Variants in SLC30A6 observed in about 807,000 individuals in gnomAD.
SLC30A6 encodes the protein zinc transporter 6.
A neutral mutation model predicts 63.0 loss-of-function variants in SLC30A6; 55 were observed. The observed-to-expected ratio is 0.87, with a 90% CI of 0.70 to 1.09. The LOEUF (loss-of-function observed/expected upper bound fraction) is 1.09, where lower values mean the gene tolerates loss of function less well. Among genes scored for constraint, SLC30A6 ranks in the 50% least tolerant of loss-of-function variants. The pLI, the probability that SLC30A6 is intolerant of heterozygous loss-of-function variation, is 0.00. For missense variants in SLC30A6, 587 were observed against 549.2 expected, an observed-to-expected ratio of 1.07 and a Z score of -0.69; for synonymous variants, 224 against 186.1, an observed-to-expected ratio of 1.20 and a Z score of -1.66.
Position 32,174,150 on chromosome 2 carries a change from A to G in SLC30A6, c.175+3A>G. The G allele has an allele frequency of 6.2e-7, 1 of 1,602,594 alleles. No individual in the cohort carries two copies. Among genetic ancestry groups the G allele is most frequent in the Non-Finnish European group, 8.5e-7 (1 of 1,174,852 alleles). ...GTGCAGTTCTACTAATAGTATAGGT[A>G]TGTCACCTTTGTATTTTTATGGAGT... is the stretch of plus-strand genomic sequence containing the variant. On this transcript the variant is annotated splice_donor_region_variant and intron_variant, in intron 3 of 13. Transcript: ENST00000282587.
chr2:32,209,567 T>G lies in SLC30A6; in HGVS notation c.885+6T>G, dbSNP rs753448086. The G allele has an allele frequency of 6.3e-7, 1 of 1,595,158 alleles. No individual in the cohort carries two copies. The highest frequency in any genetic ancestry group is 8.5e-7 in the Non-Finnish European group (1 of 1,171,566). ...CCCTAGGTTTTGGCTCATTGGTATG[T>G]TCTTTTACATATGACTTTAGTTATA... is the stretch of plus-strand genomic sequence containing the variant. On this transcript the variant is annotated splice_donor_region_variant and intron_variant, in intron 13 of 13. Transcript: ENST00000282587.
intron 1 of SLC30A6, among the ~76,000 whole-genome samples, chr2:32,170,023 G>GT (rs1013914857): frequency 3.3e-5 from 5 of 151,772 alleles, no homozygotes; most frequent in South Asian, 4.2e-4. Context: ...GTGAATTATA[G>GT]TTTTTTTTCA....
intron 10 of SLC30A6, among the ~76,000 whole-genome samples, chr2:32,198,665 C>G (rs1056179574): frequency 6.6e-6 from 1 of 152,146 alleles, no homozygotes; most frequent in Non-Finnish European, 1.5e-5. Context: ...CTCACTGCAA[C>G]CTCCACCTCC....
intron 10 of SLC30A6, among the ~76,000 whole-genome samples, chr2:32,198,185 T>G (rs954680675): frequency 6.6e-6 from 1 of 152,134 alleles, no homozygotes; most frequent in African/African-American, 2.4e-5. Context: ...AATAAAGCCT[T>G]TTAGGAAATA....
At chr2:32,204,779 T>G (rs1230183878) in intron 11 of SLC30A6, 87 bp downstream of exon 11, 3 of 598,584 alleles carry the variant, frequency 5.0e-6, no homozygotes, top group Non-Finnish European at 5.1e-6. Context: ...TCTACAAGAT[T>G]GTGAAATTTT....
chr2:32,178,182 T>A (rs1268427965), intron 4 of SLC30A6, among the ~76,000 whole-genome samples: 1 of 151,602 alleles, frequency 6.6e-6, no homozygotes, highest in East Asian at 2.0e-4. Context: ...CTCCTGACCT[T>A]GTGATCCGCC....
Position 32,222,151 on chromosome 2 carries a change from A to AT in SLC30A6, c.*1444dup, listed in dbSNP as rs574616174. On this transcript the variant is annotated 3_prime_UTR_variant, in exon 14 of 14. Coordinates refer to ENST00000282587, the MANE Select transcript of SLC30A6 (RefSeq NM_017964.5). ...ATGTGAGAATTACATAGATTATGTT[A>AT]TTTTTTAGTTGTTTTCCAAATGCAG... 1.3e-4 allele frequency: 20 copies of AT among 152,300 alleles called. No individual in the cohort carries two copies. The highest frequency in any genetic ancestry group is 4.6e-4 in the African/African-American group (19 of 41,570). The allele number at this position is 152,300 out of a possible 1,614,324, so 9.4% of individuals were successfully genotyped here. A position where few individuals can be genotyped will look rare whatever the true frequency, so the allele number is the denominator to read the frequency against.
intron 2 of SLC30A6, among the ~76,000 whole-genome samples, chr2:32,172,700 A>G (rs569662360): frequency 2.1e-3 from 327 of 152,338 alleles, no homozygotes; most frequent in African/African-American, 7.4e-3. Context: ...ATGATCAGAC[A>G]GACCATTAGT....
intron 12 of SLC30A6, among the ~76,000 whole-genome samples, chr2:32,207,994 G>T (rs1193136437): frequency 6.7e-6 from 1 of 149,678 alleles, no homozygotes; most frequent in East Asian, 2.0e-4. Context: ...CACCAGGCCC[G>T]GCCTAACTTT....
intron 10 of SLC30A6, chr2:32,203,502 A>C: frequency 2.5e-6 from 4 of 1,605,686 alleles, no homozygotes; most frequent in Non-Finnish European, 2.6e-6. Context: ...GCTTTAGCCC[A>C]CATTTCTGGT....
intron 2 of SLC30A6, among the ~76,000 whole-genome samples, chr2:32,172,822 C>A (rs1302368589): frequency 6.6e-6 from 1 of 152,176 alleles, no homozygotes; most frequent in African/African-American, 2.4e-5. Flanking sequence ...TCGTTTCTAT[C>A]CTCAAGCTTC....
chr2:32,200,839 A>AAATAAT (rs70938331), intron 10 of SLC30A6, among the ~76,000 whole-genome samples: 10 of 151,144 alleles, frequency 6.6e-5, no homozygotes, highest in African/African-American at 2.4e-4. Context: ...ATAAAGAAAA[A>AAATAAT]AATAATAATA....
intron 13 of SLC30A6, among the ~76,000 whole-genome samples, chr2:32,219,332 A>G (rs557463395): frequency 4.6e-4 from 70 of 150,964 alleles, no homozygotes; most frequent in African/African-American, 1.7e-3. Flanking sequence ...CACCACACCC[A>G]GCCCTTTCCT....
chr2:32,175,606 A>G (rs2148810860), intron 4 of SLC30A6, among the ~76,000 whole-genome samples: 1 of 150,184 alleles, frequency 6.7e-6, no homozygotes, highest in East Asian at 2.0e-4. Context: ...TTCTTTGCTT[A>G]AAGGAAAGTA....
At chr2:32,182,093 C>G (rs1256680444) in intron 4 of SLC30A6, among the ~76,000 whole-genome samples, 1 of 151,774 alleles carries the variant, frequency 6.6e-6, no homozygotes, top group Non-Finnish European at 1.5e-5. Context: ...ACCACCACAC[C>G]TGGCTAATTT....
At chr2:32,202,279 C>A (rs1041692676) in intron 10 of SLC30A6, 5 of 540,144 alleles carry the variant, frequency 9.3e-6, no homozygotes, top group South Asian at 2.3e-5. Context: ...GAAAGACATT[C>A]TATTTTGCGA....
intron 13 of SLC30A6, among the ~76,000 whole-genome samples, chr2:32,217,186 A>G (rs559898930): frequency 1.3e-5 from 2 of 152,266 alleles, no homozygotes; most frequent in Non-Finnish European, 2.9e-5. Flanking sequence ...GGCATGAGCC[A>G]TAGCACCCTG....
At chr2:32,208,719 G>T (rs890808744) in intron 12 of SLC30A6, among the ~76,000 whole-genome samples, 1 of 151,730 alleles carries the variant, frequency 6.6e-6, no homozygotes, top group African/African-American at 2.4e-5. Flanking sequence ...TCGCCATGTT[G>T]GCCTGGCTGG....
At chr2:32,196,171 C>T (rs926877821) in intron 8 of SLC30A6, among the ~76,000 whole-genome samples, 1 of 151,964 alleles carries the variant, frequency 6.6e-6, no homozygotes, top group Non-Finnish European at 1.5e-5. Flanking sequence ...AAAAATTAGC[C>T]GGGCATGGTG....
Sources: allele counts gnomAD v4.1 joint callset (sites outside exome capture counted in the v4.1 genomes callset), GRCh38; gene constraint gnomAD v4.1.1; transcripts MANE v1.5; gene names NCBI Gene and HGNC (gene_info 2026-07-23, HGNC 2026-07-21).